Variants in STX3 observed in about 807,000 individuals in gnomAD.
STX3 encodes the protein syntaxin-3.
A neutral mutation model predicts 40.2 loss-of-function variants in STX3; 19 were observed. The observed-to-expected ratio is 0.47, with a 90% CI of 0.33 to 0.69. The LOEUF (loss-of-function observed/expected upper bound fraction) is 0.69, where lower values mean the gene tolerates loss of function less well. STX3 is among the 30% of genes least tolerant of loss of function. The pLI, the probability that STX3 is intolerant of heterozygous loss-of-function variation, is 0.02. For missense variants in STX3, 364 were observed against 366.7 expected (o/e 0.99, Z 0.06); for synonymous variants, 122 against 132.2 (o/e 0.92, Z 0.53).
intron 2 of STX3, chr11:59,781,645 G>C: frequency 6.2e-7 from 1 of 1,612,346 alleles, no homozygotes; most frequent in South Asian, 1.1e-5. Context: ...CCCACTCCTA[G>C]CTCCTTCATG....
intron 2 of STX3, among the ~76,000 whole-genome samples, chr11:59,783,068 T>C (rs769807775): frequency 1.3e-5 from 2 of 149,628 alleles, no homozygotes; most frequent in Admixed American, 6.7e-5. Flanking sequence ...AAATTTTACA[T>C]GGTGATTTAA....
chr11:59,774,075 AG>A (rs1328347418), intron 2 of STX3, among the ~76,000 whole-genome samples: 1 of 152,018 alleles, frequency 6.6e-6, no homozygotes, highest in Non-Finnish European at 1.5e-5. Flanking sequence ...AAAGTTCAAC[AG>A]GGGCAAAAAT....
At chr11:59,774,518 C>G (rs1242774252) in intron 2 of STX3, among the ~76,000 whole-genome samples, 2 of 151,910 alleles carry the variant, frequency 1.3e-5, no homozygotes, top group African/African-American at 2.4e-5. Flanking sequence ...CAACAAAAAT[C>G]CCCATTGAGT....
At chr11:59,792,971 G>C in intron 6 of STX3, 128 bp from the exon 7 acceptor site, 2 of 798,962 alleles carry the variant, frequency 2.5e-6, no homozygotes, top group Non-Finnish European at 4.2e-6. Context: ...GAGTCAGGAG[G>C]CAATTGGGGG....
intron 10 of STX3, chr11:59,799,942 A>G (rs915541238): frequency 2.1e-6 from 2 of 960,022 alleles, no homozygotes; most frequent in Non-Finnish European, 2.5e-6. Flanking sequence ...TTAAAAAGAT[A>G]TAAGAGTTGT....
At position 59,772,386 on chromosome 11, in the gene STX3, A is replaced by G. The variant is rs1055548934; in HGVS notation, c.31-825A>G. Among the ~76,000 whole-genome samples, 98 of 152,196 alleles carry G rather than the reference A, an allele frequency of 6.4e-4. 1 individual carries two copies. Among genetic ancestry groups the G allele is most frequent in the African/African-American group, 2.2e-3 (91 of 41,448 alleles). On this transcript the variant is annotated intron_variant, in intron 1 of 10. Transcript: ENST00000337979. ...ATGGCCATTTTGTGAATTTTTACAG[A>G]GGAAGTTGAATGAGATTGAGAAAGC...
rs1200740629 is a variant in STX3, at chr11:59,801,648, T to C, written c.*824T>C. The C allele has an allele frequency of 1.0e-6, 1 of 985,544 alleles. No individual in the cohort carries two copies. The highest frequency in any genetic ancestry group is 1.2e-6 in the Non-Finnish European group (1 of 829,942). The allele number at this position is 985,544 out of a possible 1,614,324, so 61.0% of individuals were successfully genotyped here. ...TCTTGGGGCCAAAAATAATCAGGGA[T>C]TTTAAATTGGGCAAGGGACAAGGTG... On this transcript the variant is annotated 3_prime_UTR_variant, in exon 11 of 11. Transcript: ENST00000337979.
chr11:59,766,726 C>T (rs1225375118), intron 1 of STX3, among the ~76,000 whole-genome samples: 1 of 152,244 alleles, frequency 6.6e-6, no homozygotes, highest in African/African-American at 2.4e-5. Context: ...CCCAGCTGCT[C>T]TCAGTGACAG....
chr11:59,802,906 C>T lies in STX3; in HGVS notation c.*2082C>T, dbSNP rs372714139. The T allele has an allele frequency of 1.6e-5, 16 of 985,300 alleles. No individual in the cohort carries two copies. In the East Asian group the frequency reaches 1.1e-3, roughly 70 times the overall value. 61.0% of individuals were successfully genotyped at this position (985,300 alleles called of 1,614,324 possible). On this transcript the variant is annotated 3_prime_UTR_variant, in exon 11 of 11. Coordinates refer to ENST00000337979, the MANE Select transcript of STX3 (RefSeq NM_004177.5). Reference sequence around the variant, plus strand: ...GTTTGTGTTTCAGATTTGAGGTGTTCCCCCCAAAAGAATTTGGTTCAGTCC... The same window carrying T: ...GTTTGTGTTTCAGATTTGAGGTGTTTCCCCCAAAAGAATTTGGTTCAGTCC...
intron 1 of STX3, among the ~76,000 whole-genome samples, chr11:59,771,393 T>TGCC (rs1863621892): frequency 1.7e-5 from 1 of 60,432 alleles, no homozygotes; most frequent in African/African-American, 8.8e-5. Context: ...TTGCCCCCCG[T>TGCC]CCCCCCACCT....
chr11:59,787,454 C>T (rs750014343), intron 3 of STX3, among the ~76,000 whole-genome samples: 1 of 152,152 alleles, frequency 6.6e-6, no homozygotes, highest in Non-Finnish European at 1.5e-5. Context: ...TGAGCCTCTG[C>T]GTGTACTATT....
At chr11:59,756,050 G>C (rs1033626329) in intron 1 of STX3, among the ~76,000 whole-genome samples, 1 of 152,172 alleles carries the variant, frequency 6.6e-6, no homozygotes, top group Non-Finnish European at 1.5e-5. Context: ...CCTTCCCCCA[G>C]GGAGCAGCTC....
At chr11:59,780,134 T>C (rs1864266717) in intron 2 of STX3, among the ~76,000 whole-genome samples, 2 of 152,138 alleles carry the variant, frequency 1.3e-5, no homozygotes, top group Admixed American at 1.3e-4. Flanking sequence ...CCCCTGCCAA[T>C]TGCTTTTGGT....
intron 2 of STX3, among the ~76,000 whole-genome samples, chr11:59,778,239 AG>A (rs1864108683): frequency 6.6e-6 from 1 of 152,172 alleles, no homozygotes; most frequent in Non-Finnish European, 1.5e-5. Context: ...CCAGAGTCAG[AG>A]CTCTATTTGG....
At chr11:59,795,688 C>A (rs1458863354) in intron 9 of STX3, 3 of 1,536,960 alleles carry the variant, frequency 2.0e-6, no homozygotes, top group Non-Finnish European at 2.6e-6. Flanking sequence ...AAAAGGCTGT[C>A]AAGTATCAGA....
chr11:59,770,348 G>A (rs186823313), intron 1 of STX3, among the ~76,000 whole-genome samples: 9 of 150,712 alleles, frequency 6.0e-5, no homozygotes, highest in Admixed American at 2.0e-4. Context: ...GTGGGTGGGC[G>A]GGTGTATGTG....
At chr11:59,755,671 G>C (rs1265359471) in intron 1 of STX3, 36 bp downstream of exon 1, 1 of 1,587,200 alleles carries the variant, frequency 6.3e-7, no homozygotes. Flanking sequence ...TGCCAGGAGG[G>C]GTGCTGCATG....
At position 59,804,929 on chromosome 11, in the gene STX3, G is replaced by A. The variant is rs1262466551; in HGVS notation, c.*4105G>A. 6.6e-6 allele frequency: 1 copy of A among 152,166 alleles called. No individual in the cohort carries two copies. The highest frequency in any genetic ancestry group is 1.9e-4 in the East Asian group (1 of 5,188). 9.4% of individuals were successfully genotyped at this position (152,166 alleles called of 1,614,324 possible). On this transcript the variant is annotated 3_prime_UTR_variant, in exon 11 of 11. Coordinates refer to ENST00000337979, the MANE Select transcript of STX3 (RefSeq NM_004177.5). ...GAAACTGTTATAGGCCGGGCACGGT[G>A]GCTCATGCCTGTAATCACAGCACTT...
At position 59,772,974 on chromosome 11, in the gene STX3, A is replaced by AAAC. The variant is rs1554996770; in HGVS notation, c.31-236_31-235insACA. 2.8e-3 allele frequency among the ~76,000 whole-genome samples: 394 copies of AAAC among 140,676 alleles called. 2 individuals carry two copies. The highest frequency in any genetic ancestry group is 9.7e-3 in the African/African-American group (366 of 37,906). The allele number at this position is 140,676 out of a possible 152,430, so 92.3% of individuals were successfully genotyped here. ...TTCTCACCCCTCACCCCCTGAAAGA[A>AAAC]ACACACACACACACACACACACACA... On this transcript the variant is annotated intron_variant, in intron 1 of 10. Transcript: ENST00000337979.
Sources: gnomAD v4.1 joint callset for allele counts (sites outside exome capture counted in the v4.1 genomes callset) on GRCh38, gnomAD v4.1.1 for gene constraint, MANE v1.5 for transcripts, NCBI Gene and HGNC (gene_info 2026-07-23, HGNC 2026-07-21) for gene names.